PLCB4: variants seen among roughly 807,000 people sequenced by gnomAD.
PLCB4 encodes phospholipase C beta 4, also known as 1-phosphatidylinositol 4,5-bisphosphate phosphodiesterase beta-4.
Under a neutral mutation model 178.8 loss-of-function variants are expected in PLCB4, and 77 were observed. That is an observed-to-expected ratio of 0.43 (90% CI 0.36 to 0.52). PLCB4 has a LOEUF of 0.52. Ranked by LOEUF, PLCB4 falls within the 20% of genes least tolerant of loss-of-function variation. PLCB4 has a pLI of 0.00. For synonymous variants in PLCB4, 496 were observed against 490.8 expected, an observed-to-expected ratio of 1.01 and a Z score of -0.14; for missense variants, 1,024 against 1,453.4, an observed-to-expected ratio of 0.70 and a Z score of 4.80.
chr20:9,384,395 C>T lies in PLCB4; in HGVS notation c.1048C>T (p.Leu350Phe). The change falls in exon 14 of 40, where the codon CTC (leucine) becomes TTC (phenylalanine). Residue 350 changes from leucine to phenylalanine, a missense_variant. Around this residue, in one of 7 missense-constraint regions of PLCB4, gnomAD observed 263 missense variants for 417.4 expected, o/e 0.63. Transcript: ENST00000378473. Reference sequence around the variant, plus strand: ...TTCGGTAGAAATGTACAGACAGGTTCTCCTGGCTGGTTGCAGGTGAGGAAC... The same window carrying T: ...TTCGGTAGAAATGTACAGACAGGTTTTCCTGGCTGGTTGCAGGTGAGGAAC... ...KSSVEMYRQVLLAGCRCVELD... is the reference protein window; with the variant it reads ...KSSVEMYRQVFLAGCRCVELD... 1 of 1,613,746 alleles carries T rather than the reference C, an allele frequency of 6.2e-7. No individual in the cohort carries two copies. Among genetic ancestry groups the T allele is most frequent in the Non-Finnish European group, 8.5e-7 (1 of 1,179,620 alleles).
intron 2 of PLCB4, among the ~76,000 whole-genome samples, chr20:9,128,904 A>G (rs751101164): frequency 1.4e-4 from 22 of 152,128 alleles, no homozygotes; most frequent in Admixed American, 6.6e-5. Flanking sequence ...GGTTCCCCAT[A>G]TAAGTGGAGT....
intron 3 of PLCB4, among the ~76,000 whole-genome samples, chr20:9,280,689 G>A (rs995240231): frequency 6.6e-5 from 10 of 151,938 alleles, no homozygotes; most frequent in South Asian, 2.1e-4. Flanking sequence ...GTCTTTGGTC[G>A]CGTCTTTTCT....
chr20:9,181,829 C>T (rs1376342052), intron 2 of PLCB4, among the ~76,000 whole-genome samples: 1 of 152,044 alleles, frequency 6.6e-6, no homozygotes, highest in African/African-American at 2.4e-5. Flanking sequence ...ACTAGGACAA[C>T]AAAGTGAGAC....
chr20:9,234,085 GC>G (rs2093965328), intron 3 of PLCB4, among the ~76,000 whole-genome samples: 2 of 152,164 alleles, frequency 1.3e-5, no homozygotes, highest in South Asian at 4.2e-4. Flanking sequence ...AGGCACTTCA[GC>G]AGCAGATGAG....
At chr20:9,225,322 C>A (rs550856441) in intron 3 of PLCB4, among the ~76,000 whole-genome samples, 12 of 152,270 alleles carry the variant, frequency 7.9e-5, no homozygotes, top group Non-Finnish European at 1.5e-4. Context: ...ACAAAATGTT[C>A]ATTTCCTACT....
chr20:9,400,895 TCTC>T (rs1014491044), intron 19 of PLCB4, among the ~76,000 whole-genome samples: 6 of 152,050 alleles, frequency 3.9e-5, no homozygotes, highest in African/African-American at 1.5e-4. Flanking sequence ...CACTTCCACT[TCTC>T]CTCCTACCTG....
chr20:9,477,686 C>A (rs763509205), intron 39 of PLCB4, among the ~76,000 whole-genome samples: 2 of 152,070 alleles, frequency 1.3e-5, no homozygotes, highest in Non-Finnish European at 2.9e-5. Flanking sequence ...CAGAGGGAAC[C>A]AACCATCCCA....
intron 35 of PLCB4, among the ~76,000 whole-genome samples, chr20:9,468,119 A>C (rs2043922271): frequency 6.6e-6 from 1 of 152,138 alleles, no homozygotes; most frequent in African/African-American, 2.4e-5. Flanking sequence ...ATATGAAGCA[A>C]AACTGAGATC....
At chr20:9,289,430 A>G (rs1196708176) in intron 3 of PLCB4, among the ~76,000 whole-genome samples, 1 of 152,118 alleles carries the variant, frequency 6.6e-6, no homozygotes, top group Non-Finnish European at 1.5e-5. Flanking sequence ...AAAATAAAAG[A>G]AACTTGAAAT....
At chr20:9,228,304 A>T (rs1156715893) in intron 3 of PLCB4, among the ~76,000 whole-genome samples, 1 of 152,202 alleles carries the variant, frequency 6.6e-6, no homozygotes, top group Non-Finnish European at 1.5e-5. Context: ...AAAAAATCAG[A>T]ATTGTGATGA....
intron 24 of PLCB4, 78 bp downstream of exon 24, chr20:9,409,259 G>T (rs373906324): frequency 1.6e-6 from 2 of 1,217,632 alleles, no homozygotes; most frequent in African/African-American, 1.6e-5. Flanking sequence ...CCATCAGTTG[G>T]CTGTGGGCAT....
intron 19 of PLCB4, among the ~76,000 whole-genome samples, chr20:9,396,958 G>A (rs565105364): frequency 2.0e-4 from 30 of 152,282 alleles, no homozygotes; most frequent in African/African-American, 6.5e-4. Flanking sequence ...GTTGGCTGTG[G>A]TAATTTTTTA....
intron 3 of PLCB4, among the ~76,000 whole-genome samples, chr20:9,252,782 C>G (rs1200810116): frequency 3.9e-5 from 6 of 152,144 alleles, no homozygotes; most frequent in African/African-American, 1.2e-4. Context: ...TGTGAATTTG[C>G]TCTCTCTGCT....
At chr20:9,384,675 A>C (rs1005579898) in intron 14 of PLCB4, among the ~76,000 whole-genome samples, 1 of 152,342 alleles carries the variant, frequency 6.6e-6, no homozygotes, top group East Asian at 1.9e-4. Context: ...ACAAAAAAGA[A>C]AACATGCATA....
intron 27 of PLCB4, among the ~76,000 whole-genome samples, 183 bp from the exon 28 acceptor site, chr20:9,423,565 T>C (rs547708546): frequency 1.3e-5 from 2 of 152,384 alleles, no homozygotes; most frequent in Admixed American, 1.3e-4. Flanking sequence ...TCCAATTGCT[T>C]TTCTCAGTGT....
At chr20:9,267,761 GCAAT>G (rs932911846) in intron 3 of PLCB4, among the ~76,000 whole-genome samples, 2 of 152,108 alleles carry the variant, frequency 1.3e-5, no homozygotes, top group African/African-American at 4.8e-5. Flanking sequence ...CTCCAATGTG[GCAAT>G]CACTTTAAGA....
At chr20:9,450,072 TAAGAA>T (rs1045754747) in intron 32 of PLCB4, among the ~76,000 whole-genome samples, 10 of 152,322 alleles carry the variant, frequency 6.6e-5, no homozygotes, top group African/African-American at 2.2e-4. Context: ...TTAACTTGGA[TAAGAA>T]ACGTACACAA....
At chr20:9,209,710 G>A (rs939705058) in intron 2 of PLCB4, among the ~76,000 whole-genome samples, 1 of 152,060 alleles carries the variant, frequency 6.6e-6, no homozygotes, top group Non-Finnish European at 1.5e-5. Context: ...AAAGGATGAA[G>A]CCTAGCCAAC....
intron 2 of PLCB4, among the ~76,000 whole-genome samples, chr20:9,193,385 G>T (rs2093429909): frequency 6.6e-6 from 1 of 152,190 alleles, no homozygotes; most frequent in Non-Finnish European, 1.5e-5. Flanking sequence ...AAAGACACAG[G>T]TTGGTTCCTT....
Sources: gnomAD v4.1 joint callset for allele counts (sites outside exome capture counted in the v4.1 genomes callset) on GRCh38, gnomAD v4.1.1 for gene constraint, gnomAD v4.1.1 regional missense constraint, MANE v1.5 for transcripts, NCBI Gene and HGNC (gene_info 2026-07-23, HGNC 2026-07-21) for gene names.